Variants in FRMPD4 observed in about 807,000 individuals in gnomAD.
FRMPD4 encodes the protein FERM and PDZ domain-containing protein 4.
Under a neutral mutation model 94.1 loss-of-function variants are expected in FRMPD4, and 22 were observed. That is an observed-to-expected ratio of 0.23 (90% confidence interval 0.17 to 0.33). The LOEUF (loss-of-function observed/expected upper bound fraction) is 0.33, where lower values mean the gene tolerates loss of function less well. FRMPD4 is among the 10% of genes least tolerant of loss of function. The pLI, the probability that FRMPD4 is intolerant of heterozygous loss-of-function variation, is 1.00. For missense variants in FRMPD4, 1,111 were observed against 1,339.9 expected, an observed-to-expected ratio of 0.83 and a Z score of 2.67; for synonymous variants, 631 against 548.6, an observed-to-expected ratio of 1.15 and a Z score of -2.10.
intron 2 of FRMPD4, among the ~76,000 whole-genome samples, chrX:12,594,161 C>T (rs756446369): frequency 2.1e-4 from 23 of 111,226 alleles, no homozygotes; most frequent in Admixed American, 1.4e-3. Flanking sequence ...TGCTTTGTAA[C>T]TTTGCTTATG....
intron 1 of FRMPD4, among the ~76,000 whole-genome samples, chrX:11,836,966 C>T (rs1211284707): frequency 3.6e-5 from 4 of 112,089 alleles, no homozygotes; most frequent in African/African-American, 9.7e-5. Context: ...TCAAAATCTA[C>T]GTCCTTTTTC....
chrX:12,317,604 CA>C (rs879024487), intron 1 of FRMPD4, among the ~76,000 whole-genome samples: 2 of 64,988 alleles, frequency 3.1e-5, no homozygotes, highest in African/African-American at 1.4e-4. Context: ...AAAAAAAAAA[CA>C]AAAAAAACAA....
intron 1 of FRMPD4, among the ~76,000 whole-genome samples, chrX:12,252,132 C>A (rs1245786611): frequency 8.9e-6 from 1 of 111,813 alleles, no homozygotes; most frequent in Non-Finnish European, 1.9e-5. Context: ...CTATAGGTGT[C>A]CCCATTTGAC....
At chrX:12,162,349 G>C (rs766566808) in intron 1 of FRMPD4, among the ~76,000 whole-genome samples, 1 of 112,232 alleles carries the variant, frequency 8.9e-6, no homozygotes, top group East Asian at 2.8e-4. Flanking sequence ...GCTTAAGAAA[G>C]TTGGTGATGG....
chrX:12,389,762 A>T (rs1258409665), intron 1 of FRMPD4, among the ~76,000 whole-genome samples: 1 of 112,064 alleles, frequency 8.9e-6, no homozygotes, highest in Non-Finnish European at 1.9e-5. Flanking sequence ...TGTAATTAAC[A>T]ATGGTAGCAG....
chrX:12,136,326 CA>C (rs57110936), upstream of FRMPD4, among the ~76,000 whole-genome samples: 15,460 of 83,883 alleles, frequency 0.18, 955 homozygotes, highest in South Asian at 0.38. Flanking sequence ...AGATTCAGAC[CA>C]AAAAAAAAAA....
intron 1 of FRMPD4, among the ~76,000 whole-genome samples, chrX:12,246,687 T>G (rs924368771): frequency 1.4e-4 from 15 of 110,341 alleles, no homozygotes; most frequent in Admixed American, 2.9e-4. Flanking sequence ...TTTCTACTGA[T>G]GAGAAATAGT....
intron 1 of FRMPD4, among the ~76,000 whole-genome samples, chrX:12,447,588 A>AATC (rs1303636067): frequency 1.8e-5 from 2 of 112,354 alleles, no homozygotes; most frequent in Non-Finnish European, 3.8e-5. Context: ...AGTCAGATGG[A>AATC]ATCAATGCAA....
intron 1 of FRMPD4, among the ~76,000 whole-genome samples, chrX:11,847,595 C>A (rs746716369): frequency 9.3e-6 from 1 of 107,573 alleles, no homozygotes; most frequent in Non-Finnish European, 1.9e-5. Flanking sequence ...ATGTTTATTG[C>A]GGCAGTATTC....
At chrX:12,126,352 C>T (rs1194173703) in intron 3 of FRMPD4, among the ~76,000 whole-genome samples, 1 of 112,190 alleles carries the variant, frequency 8.9e-6, no homozygotes. Context: ...TACTACATTT[C>T]TTGGTCAGAG....
chrX:11,933,150 C>G (rs1210187349), intron 3 of FRMPD4, among the ~76,000 whole-genome samples: 2 of 112,505 alleles, frequency 1.8e-5, no homozygotes, highest in African/African-American at 6.5e-5. Context: ...AAGATAAACA[C>G]TGCTGACTTA....
At chrX:11,838,315 G>A (rs187215325) in intron 1 of FRMPD4, among the ~76,000 whole-genome samples, 1 of 111,042 alleles carries the variant, frequency 9.0e-6, no homozygotes, top group Admixed American at 9.6e-5. Context: ...AGATGGCCTG[G>A]GAATAGCAAA....
chrX:11,838,204 A>G (rs1163795954), intron 1 of FRMPD4, among the ~76,000 whole-genome samples: 4 of 111,500 alleles, frequency 3.6e-5, no homozygotes, highest in African/African-American at 1.3e-4. Context: ...TCTCATCTTT[A>G]ATGTGAATTA....
In FRMPD4 at chrX:12,382,530, G is replaced by GCATAGCATAGAGCATAGCAT. The variant is rs60602906; in HGVS notation, c.42-116150_42-116149insCATAGCATAGAGCATAGCAT. ...GCATAGCATAGCATAGCATAGCATA[G>GCATAGCATAGAGCATAGCAT]AGCATAGCATAGCATAGCATAGCAT... is the stretch of plus-strand genomic sequence containing the variant. On this transcript the variant is annotated intron_variant, in intron 1 of 16. Coordinates refer to ENST00000675598, the MANE Select transcript of FRMPD4 (RefSeq NM_001368397.1). Among the ~76,000 whole-genome samples the GCATAGCATAGAGCATAGCAT allele has an allele frequency of 8.7e-3, 393 of 45,371 alleles. 11 individuals are homozygous for GCATAGCATAGAGCATAGCAT. Among genetic ancestry groups the GCATAGCATAGAGCATAGCAT allele is most frequent in the East Asian group, 0.039 (37 of 959 alleles). The allele number at this position is 45,371 out of a possible 115,157, so 39.4% of individuals were successfully genotyped here. A position where few individuals can be genotyped will look rare whatever the true frequency, so the allele number is the denominator to read the frequency against.
chrX:12,086,195 G>T (rs28609209), intron 3 of FRMPD4, among the ~76,000 whole-genome samples: 1,342 of 110,748 alleles, frequency 0.012, 18 homozygotes, highest in African/African-American at 0.042. Flanking sequence ...GGGAGGAAAT[G>T]GTTCTGTAGT....
intron 3 of FRMPD4, among the ~76,000 whole-genome samples, chrX:12,119,358 T>G (rs1569008): frequency 1.8e-5 from 2 of 111,340 alleles, no homozygotes; most frequent in African/African-American, 3.3e-5. Flanking sequence ...TGATTTAGAA[T>G]AGAAATTGTT....
chrX:11,837,277 T>C (rs773110001), intron 1 of FRMPD4, among the ~76,000 whole-genome samples: 1 of 111,914 alleles, frequency 8.9e-6, no homozygotes, highest in South Asian at 3.7e-4. Context: ...AGAATTGTAT[T>C]TCAGTACATT....
chrX:11,994,284 G>A lies in FRMPD4; in HGVS notation c.95+116266G>A, dbSNP rs148968594. ...AGCCCTGGCACAGATATAGGAGAAC[G>A]ATGGATTTTATCACAAAAGGTGACT... On this transcript the variant is annotated intron_variant, in intron 3 of 18. Coordinates refer to the FRMPD4 transcript ENST00000640291. Among the ~76,000 whole-genome samples, 22 of 111,233 alleles carry A rather than the reference G, an allele frequency of 2.0e-4. No individual in the cohort carries two copies. In the East Asian group the frequency reaches 4.3e-3, roughly 22 times the overall value.
At position 12,175,928 on chromosome X, in the gene FRMPD4, GAGTATTT is replaced by G. The variant is rs773253032; in HGVS notation, c.41+36918_41+36924del. ...TAGTTTCACATTGAAACCATCTGAG[GAGTATTT>G]AAGAATACAGATGCCTTTGTCCCAC... On this transcript the variant is annotated intron_variant, in intron 1 of 16. Coordinates refer to ENST00000675598, the MANE Select transcript of FRMPD4 (RefSeq NM_001368397.1). Among the ~76,000 whole-genome samples, 429 of 112,154 alleles carry G rather than the reference GAGTATTT, an allele frequency of 3.8e-3. 2 individuals carry two copies. The highest frequency in any genetic ancestry group is 0.018 in the Middle Eastern group (4 of 218).
Sources: gnomAD v4.1 joint callset for allele counts (sites outside exome capture counted in the v4.1 genomes callset) on GRCh38, gnomAD v4.1.1 for gene constraint, MANE v1.5 for transcripts, NCBI Gene and HGNC (gene_info 2026-07-23, HGNC 2026-07-21) for gene names.